The following FAM47E variants were observed in gnomAD, a reference collection of about 807,000 sequenced individuals.
The protein encoded by FAM47E is family with sequence similarity 47 member E.
In FAM47E, 32 loss-of-function variants were observed where a neutral mutation model predicts 41.6. The observed-to-expected ratio is 0.77, with a 90% CI of 0.58 to 1.03. The LOEUF (loss-of-function observed/expected upper bound fraction) is 1.03, where lower values mean the gene tolerates loss of function less well. FAM47E is among the 50% of genes least tolerant of loss of function. FAM47E has a pLI of 0.00. For missense variants in FAM47E, 424 were observed against 485.4 expected (o/e 0.87, Z 1.19); for synonymous variants, 184 against 188.7 (o/e 0.98, Z 0.20).
At chr4:76,214,977 G>C (rs756961421) in intron 1 of FAM47E, among the ~76,000 whole-genome samples, 29 of 152,230 alleles carry the variant, frequency 1.9e-4, no homozygotes, top group Non-Finnish European at 3.2e-4. Flanking sequence ...TGTATAAAAA[G>C]TTCAGCAAGG....
intron 2 of FAM47E, among the ~76,000 whole-genome samples, chr4:76,231,009 C>A (rs1444553355): frequency 6.6e-6 from 1 of 152,106 alleles, no homozygotes; most frequent in African/African-American, 2.4e-5. Flanking sequence ...AGGGCTTTGA[C>A]CCAAAGCTTG....
At chr4:76,227,698 G>A (rs765677217) in intron 2 of FAM47E, among the ~76,000 whole-genome samples, 1 of 152,002 alleles carries the variant, frequency 6.6e-6, no homozygotes, top group Non-Finnish European at 1.5e-5. Context: ...TTATAAATTT[G>A]GGAGCTCCAG....
chr4:76,244,252 T>C (rs1419662328), intron 2 of FAM47E, among the ~76,000 whole-genome samples: 1 of 152,192 alleles, frequency 6.6e-6, no homozygotes, highest in Non-Finnish European at 1.5e-5. Context: ...TTTGGGTACA[T>C]ACCCAGTAAT....
At chr4:76,281,681 G>C (rs564387739) in intron 7 of FAM47E, 1 of 151,336 alleles carries the variant, frequency 6.6e-6, no homozygotes, top group East Asian at 1.9e-4. Flanking sequence ...TTTTCATTTT[G>C]ATGTGTTCCC....
intron 4 of FAM47E, among the ~76,000 whole-genome samples, chr4:76,271,183 G>T (rs567753651): frequency 2.6e-5 from 4 of 152,198 alleles, no homozygotes; most frequent in African/African-American, 9.6e-5. Context: ...GACTAAAACC[G>T]CCTCCTTCAG....
Position 76,283,553 on chromosome 4 carries a change from T to A in FAM47E, c.*95T>A, listed in dbSNP as rs530764638. On this transcript the variant is annotated 3_prime_UTR_variant, in exon 8 of 8. Coordinates refer to ENST00000424749, the MANE Select transcript of FAM47E (RefSeq NM_001136570.3). Reference sequence around the variant, plus strand: ...AAGATTAAACAGAGTTTATGATGAGTGTCCCACTGTGGATGTTCAACTTTG... The same window carrying A: ...AAGATTAAACAGAGTTTATGATGAGAGTCCCACTGTGGATGTTCAACTTTG... The A allele has an allele frequency of 1.4e-5, 10 of 734,946 alleles. No homozygotes were observed. Among genetic ancestry groups the A allele is most frequent in the African/African-American group, 1.8e-5 (1 of 56,644 alleles). The allele number at this position is 734,946 out of a possible 1,614,324, so 45.5% of individuals were successfully genotyped here.
At position 76,283,632 on chromosome 4, in the gene FAM47E, G is replaced by A. The variant is rs1735451315; in HGVS notation, c.*174G>A. The A allele has an allele frequency of 1.5e-5, 8 of 519,022 alleles. No homozygotes were observed. In the South Asian group the frequency reaches 1.7e-4, roughly 11 times the overall value. The allele number at this position is 519,022 out of a possible 1,614,324, so 32.2% of individuals were successfully genotyped here. A position where few individuals can be genotyped will look rare whatever the true frequency, so the allele number is the denominator to read the frequency against. On this transcript the variant is annotated 3_prime_UTR_variant, in exon 8 of 8. Transcript: ENST00000424749. ...TGATGGTTATAAGCATTTCTCAATG[G>A]ATTTCTGCTTCAGTTAATCAACATT...
rs201119562 is a variant in FAM47E at position 76,278,131 on chromosome 4, G to A, written c.933G>A (p.Leu311=). The A allele has an allele frequency of 8.8e-5, 136 of 1,550,936 alleles. No individual in the cohort carries two copies. In the Middle Eastern group the frequency reaches 2.2e-3, roughly 25 times the overall value. ...GAGCATGGTATTTGAACCCCAAGTTGTGGAAAAAGCAAAGAGTAGACGAGC... is the reference window on the plus strand; with the variant it reads ...GAGCATGGTATTTGAACCCCAAGTTATGGAAAAAGCAAAGAGTAGACGAGC... ...RYGAWYLNPK[L]WKKQRVDEPL... is the part of the protein sequence containing the mutation. The change falls in exon 6 of 8, where the codon TTG becomes TTA. Residue 311 remains leucine, a synonymous_variant. Coordinates refer to ENST00000424749, the MANE Select transcript of FAM47E (RefSeq NM_001136570.3).
At chr4:76,234,793 G>A (rs1428501460) in intron 2 of FAM47E, among the ~76,000 whole-genome samples, 1 of 152,198 alleles carries the variant, frequency 6.6e-6, no homozygotes, top group Admixed American at 6.5e-5. Flanking sequence ...TGTTCCTGTA[G>A]TTCTAGGTAC....
intron 2 of FAM47E, among the ~76,000 whole-genome samples, chr4:76,225,846 G>T (rs989099821): frequency 6.6e-6 from 1 of 152,084 alleles, no homozygotes; most frequent in African/African-American, 2.4e-5. Context: ...GTCTGTAATT[G>T]TTTTTGTTGT....
At chr4:76,215,312 C>T (rs1241210399) in intron 1 of FAM47E, among the ~76,000 whole-genome samples, 2 of 152,198 alleles carry the variant, frequency 1.3e-5, no homozygotes, top group East Asian at 3.8e-4. Context: ...ACAAGCTCAA[C>T]TGGTTGCTGA....
At chr4:76,276,745 T>C (rs891324439) in intron 5 of FAM47E, among the ~76,000 whole-genome samples, 1 of 152,108 alleles carries the variant, frequency 6.6e-6, no homozygotes, top group Non-Finnish European at 1.5e-5. Flanking sequence ...GGGAAAAACA[T>C]TACAGTAGAG....
At chr4:76,273,691 A>G (rs1038693660) in intron 5 of FAM47E, among the ~76,000 whole-genome samples, 1 of 151,834 alleles carries the variant, frequency 6.6e-6, no homozygotes, top group Non-Finnish European at 1.5e-5. Context: ...ATTTTGGACT[A>G]TATTTCTTCA....
At chr4:76,219,642 G>A (rs1456494595) in intron 2 of FAM47E, among the ~76,000 whole-genome samples, 1 of 152,146 alleles carries the variant, frequency 6.6e-6, no homozygotes, top group Non-Finnish European at 1.5e-5. Context: ...GGAGAGTGAA[G>A]AGGGGACTGT....
At chr4:76,230,685 C>T (rs1258131743) in intron 2 of FAM47E, among the ~76,000 whole-genome samples, 4 of 152,032 alleles carry the variant, frequency 2.6e-5, no homozygotes, top group Non-Finnish European at 4.4e-5. Context: ...CTCTTCTGTC[C>T]TTCCATCCCC....
chr4:76,254,148 A>G (rs969486500), intron 1 of FAM47E, among the ~76,000 whole-genome samples: 1 of 151,644 alleles, frequency 6.6e-6, no homozygotes, highest in East Asian at 1.9e-4. Context: ...AAAAAAACAG[A>G]AAAAGAAAAG....
intron 2 of FAM47E, 70 bp downstream of exon 2, chr4:76,256,593 G>T: frequency 6.9e-7 from 1 of 1,452,524 alleles, no homozygotes; most frequent in Non-Finnish European, 9.1e-7. Context: ...TAAATGTCTA[G>T]GAAGTCCCCA....
chr4:76,237,141 C>T (rs1198338503), intron 2 of FAM47E, among the ~76,000 whole-genome samples: 2 of 152,010 alleles, frequency 1.3e-5, no homozygotes, highest in East Asian at 1.9e-4. Context: ...GTGATCCACC[C>T]GCCCCGGCCT....
At chr4:76,217,720 C>T (rs569202794) in intron 2 of FAM47E, 98 of 537,098 alleles carry the variant, frequency 1.8e-4, no homozygotes, top group Non-Finnish European at 2.9e-4. Flanking sequence ...CAGACAAGGG[C>T]GGAAAATGAG....
Sources: gnomAD v4.1 joint callset for allele counts (sites outside exome capture counted in the v4.1 genomes callset) on GRCh38, gnomAD v4.1.1 for gene constraint, MANE v1.5 for transcripts, NCBI Gene and HGNC (gene_info 2026-07-23, HGNC 2026-07-21) for gene names.